The following SLC1A3 variants were observed in gnomAD, a reference collection of about 807,000 sequenced individuals.
SLC1A3 encodes solute carrier family 1 member 3.
A neutral mutation model predicts 48.1 loss-of-function variants in SLC1A3; 21 were observed. That is an observed-to-expected ratio of 0.44 (90% CI 0.31 to 0.63). The LOEUF is 0.63. Ranked by LOEUF, SLC1A3 falls within the 20% of genes least tolerant of loss-of-function variation. The probability of loss-of-function intolerance (pLI) is 0.08; values close to 1 mark genes in which losing one functional copy is unlikely to be tolerated. For synonymous variants in SLC1A3, 239 were observed against 251.4 expected (o/e 0.95, Z 0.47); for missense variants, 546 against 689.0 (o/e 0.79, Z 2.32).
chr5:36,670,751 A>G (rs1741955882), intron 3 of SLC1A3: 1 of 502,446 alleles, frequency 2.0e-6, no homozygotes, highest in Non-Finnish European at 3.6e-6. Context: ...CTTTTGGACC[A>G]TTAGAGAACA....
intron 3 of SLC1A3, among the ~76,000 whole-genome samples, chr5:36,662,071 A>C (rs1328119993): frequency 2.0e-5 from 3 of 152,200 alleles, no homozygotes; most frequent in Non-Finnish European, 4.4e-5. Context: ...TTCTTTTGGA[A>C]AGAAAGGGAG....
At chr5:36,601,685 AG>A (rs1255753668), upstream of SLC1A3, among the ~76,000 whole-genome samples, 1 of 152,162 alleles carries the variant, frequency 6.6e-6, no homozygotes, top group African/African-American at 2.4e-5. Flanking sequence ...GGGCAAGAAA[AG>A]GGGGACACTG....
At chr5:36,651,352 C>G (rs1741062540) in intron 3 of SLC1A3, among the ~76,000 whole-genome samples, 1 of 152,020 alleles carries the variant, frequency 6.6e-6, no homozygotes, top group Non-Finnish European at 1.5e-5. Flanking sequence ...GTCTCCCTGC[C>G]ATCCGCCTAC....
At chr5:36,672,988 T>G (rs1340988362) in intron 4 of SLC1A3, among the ~76,000 whole-genome samples, 2 of 152,220 alleles carry the variant, frequency 1.3e-5, no homozygotes, top group African/African-American at 4.8e-5. Flanking sequence ...CCAGTCTGGT[T>G]GATCCATCAG....
At chr5:36,605,267 G>A (rs1738886899), upstream of SLC1A3, among the ~76,000 whole-genome samples, 2 of 152,190 alleles carry the variant, frequency 1.3e-5, no homozygotes, top group East Asian at 1.9e-4. Context: ...GCTAAACAAT[G>A]TAGTATAGAT....
intron 3 of SLC1A3, among the ~76,000 whole-genome samples, chr5:36,664,616 A>G (rs912018292): frequency 6.6e-6 from 1 of 152,114 alleles, no homozygotes; most frequent in Non-Finnish European, 1.5e-5. Context: ...TACCTTTACC[A>G]CATGTGACAC....
chr5:36,636,473 T>TTC (rs1740371844), intron 3 of SLC1A3: 1 of 113,492 alleles, frequency 8.8e-6, no homozygotes, highest in Non-Finnish European at 1.8e-5. Flanking sequence ...TTTTCTTTCT[T>TTC]TCTTTCTTTC....
At chr5:36,653,907 G>GA (rs1741186919) in intron 3 of SLC1A3, among the ~76,000 whole-genome samples, 1 of 152,198 alleles carries the variant, frequency 6.6e-6, no homozygotes, top group South Asian at 2.1e-4. Context: ...GCAGTGGTGC[G>GA]ATCTTGGCTC....
At chr5:36,610,346 C>G (rs1482861802) in intron 2 of SLC1A3, among the ~76,000 whole-genome samples, 1 of 152,216 alleles carries the variant, frequency 6.6e-6, no homozygotes, top group East Asian at 1.9e-4. Flanking sequence ...AGAAAACTTA[C>G]AGTTCTCCTA....
At chr5:36,606,817 G>A (rs935170892) in intron 1 of SLC1A3, 82 bp downstream of exon 1, 3 of 152,344 alleles carry the variant, frequency 2.0e-5, no homozygotes, top group Admixed American at 1.3e-4. Flanking sequence ...TCCAAGCAGA[G>A]GAGTAGCCTG....
intron 2 of SLC1A3, among the ~76,000 whole-genome samples, chr5:36,623,210 A>G (rs1739756551): frequency 6.6e-6 from 1 of 152,134 alleles, no homozygotes; most frequent in East Asian, 1.9e-4. Context: ...TAGATTCTAG[A>G]AATCTTGTTA....
At chr5:36,608,662 C>T (rs1326713679) in intron 2 of SLC1A3, 58 bp downstream of exon 2, 6 of 1,603,692 alleles carry the variant, frequency 3.7e-6, no homozygotes, top group Non-Finnish European at 5.1e-6. Context: ...GGGCATCTGG[C>T]TGCCCGGGGA....
upstream of SLC1A3, among the ~76,000 whole-genome samples, chr5:36,606,094 T>C (rs1477351710): frequency 6.6e-6 from 1 of 152,246 alleles, no homozygotes; most frequent in Non-Finnish European, 1.5e-5. Context: ...TCCCTAACTT[T>C]AGACAAATTT....
At chr5:36,637,736 G>A (rs892551446) in intron 3 of SLC1A3, among the ~76,000 whole-genome samples, 8 of 152,112 alleles carry the variant, frequency 5.3e-5, no homozygotes, top group Non-Finnish European at 1.2e-4. Context: ...GGCAGGTTGG[G>A]GTTGGAGGTG....
At chr5:36,597,078 G>A (rs559346956) in intron 1 of SLC1A3, among the ~76,000 whole-genome samples, 13 of 151,950 alleles carry the variant, frequency 8.6e-5, no homozygotes, top group African/African-American at 3.1e-4. Flanking sequence ...ATGGAGATTG[G>A]GTAATTCTTG....
chr5:36,669,049 AG>A (rs1456999711), intron 3 of SLC1A3: 1 of 152,268 alleles, frequency 6.6e-6, no homozygotes, highest in African/African-American at 2.4e-5. Context: ...AGCATCTCGG[AG>A]GAAGAAAATA....
chr5:36,662,889 G>A (rs886335972), intron 3 of SLC1A3, among the ~76,000 whole-genome samples: 6 of 152,208 alleles, frequency 3.9e-5, no homozygotes, highest in African/African-American at 1.2e-4. Context: ...GGCCGCCATG[G>A]GCTGCTTACC....
intron 3 of SLC1A3, among the ~76,000 whole-genome samples, chr5:36,634,630 TA>T (rs1374028834): frequency 1.3e-5 from 2 of 152,132 alleles, no homozygotes; most frequent in African/African-American, 4.8e-5. Flanking sequence ...CTTTTTTTTT[TA>T]TCCAAAATAA....
At chr5:36,661,692 C>G (rs964536445) in intron 3 of SLC1A3, among the ~76,000 whole-genome samples, 10 of 152,318 alleles carry the variant, frequency 6.6e-5, no homozygotes, top group Admixed American at 3.3e-4. Flanking sequence ...TGTTCTTTGG[C>G]AAAGCAGGGC....
Sources: allele counts gnomAD v4.1 joint callset (sites outside exome capture counted in the v4.1 genomes callset), GRCh38; gene constraint gnomAD v4.1.1; transcripts MANE v1.5; gene names NCBI Gene and HGNC (gene_info 2026-07-23, HGNC 2026-07-21).